PPM1B: variants seen among roughly 807,000 people sequenced by gnomAD.
PPM1B encodes protein phosphatase 1B.
A neutral mutation model predicts 43.0 loss-of-function variants in PPM1B; 22 were observed. The ratio of observed to expected loss-of-function variants is 0.51; its 90% CI spans 0.37 to 0.73. PPM1B has a LOEUF of 0.73. PPM1B is among the 30% of genes least tolerant of loss of function. The pLI is 0.00. For missense variants in PPM1B, 632 were observed against 584.2 expected (o/e 1.08, Z -0.84); for synonymous variants, 217 against 197.9 (o/e 1.10, Z -0.81).
At chr2:44,175,406 C>G (rs144866492) in intron 1 of PPM1B, among the ~76,000 whole-genome samples, 14 of 152,192 alleles carry the variant, frequency 9.2e-5, no homozygotes, top group Admixed American at 9.2e-4. Flanking sequence ...TCAGAACAGT[C>G]TAATAGTATT....
chr2:44,200,250 A>G (rs182032578), intron 1 of PPM1B, among the ~76,000 whole-genome samples: 81 of 152,332 alleles, frequency 5.3e-4, no homozygotes, highest in African/African-American at 1.8e-3. Flanking sequence ...ACCTAGTTAG[A>G]GTGTAGGGTT....
chr2:44,246,692 C>T (rs60821345), downstream of PPM1B, among the ~76,000 whole-genome samples: 360 of 152,276 alleles, frequency 2.4e-3, 2 homozygotes, highest in African/African-American at 8.1e-3. Flanking sequence ...CCAGCTTAAG[C>T]GGAGGCTTCA....
rs770697219 is a variant in PPM1B at position 44,230,677 on chromosome 2, A to C, written c.1399A>C (p.Asn467His). ...ESGLAELDSS[N>H]EDAGTKMSGE... ...TGGTCTTGCTGAATTAGACAGCTCT[A>C]ATGAAGATGCAGGGACAAAGATGAG... Residue 467 changes from asparagine (N) to histidine (H), a missense_variant, in exon 6 of 6, where the codon AAT becomes CAT. Around this residue, in one of 3 missense-constraint regions of PPM1B, gnomAD observed 392 missense variants for 302.7 expected, o/e 1.29. Coordinates refer to ENST00000282412, the MANE Select transcript of PPM1B (RefSeq NM_002706.6). 3.7e-6 allele frequency: 6 copies of C among 1,613,652 alleles called. No individual in the cohort carries two copies. The highest frequency in any genetic ancestry group is 4.2e-6 in the Non-Finnish European group (5 of 1,179,592).
intron 2 of PPM1B, among the ~76,000 whole-genome samples, chr2:44,207,415 A>G (rs1669239054): frequency 6.6e-6 from 1 of 152,198 alleles, no homozygotes; most frequent in Admixed American, 6.5e-5. Flanking sequence ...TTTAGAGTGA[A>G]CAGAAAAAGA....
At chr2:44,192,376 C>T (rs184079149) in intron 1 of PPM1B, among the ~76,000 whole-genome samples, 12 of 152,074 alleles carry the variant, frequency 7.9e-5, no homozygotes, top group East Asian at 1.9e-4. Context: ...AAACCATGCC[C>T]GGCTAATTTT....
At position 44,199,782 on chromosome 2, in the gene PPM1B, CA is replaced by C. The variant is rs1286032933; in HGVS notation, c.-14-1403del. ...TTTCAGGACTCTTTTTCTATAAATA[CA>C]TTTGTAATTTATTAATACAGTATCA... On this transcript the variant is annotated intron_variant, in intron 1 of 5. Coordinates refer to ENST00000282412, the MANE Select transcript of PPM1B (RefSeq NM_002706.6). 2.0e-5 allele frequency among the ~76,000 whole-genome samples: 3 copies of C among 152,186 alleles called. No homozygotes were observed. In the East Asian group the frequency reaches 5.8e-4, roughly 29 times the overall value.
At position 44,169,096 on chromosome 2, in the gene PPM1B, TCGG is replaced by T; in HGVS notation, c.-178_-176del. On this transcript the variant is annotated 5_prime_UTR_variant, in exon 1 of 6. Coordinates refer to ENST00000282412, the MANE Select transcript of PPM1B (RefSeq NM_002706.6). ...GCGCTAGGGTGGAGAGAAGGCGGCATCGGCGGCGGCGGCGGCGTGAGGGGCCGG... is the reference window on the plus strand; with the variant it reads ...GCGCTAGGGTGGAGAGAAGGCGGCATCGGCGGCGGCGGCGTGAGGGGCCGG... The T allele has an allele frequency of 2.8e-5, 5 of 181,618 alleles. No individual in the cohort carries two copies. The highest frequency in any genetic ancestry group is 8.6e-5 in the South Asian group (1 of 11,690). The allele number at this position is 181,618 out of a possible 1,614,324, so 11.3% of individuals were successfully genotyped here. A position where few individuals can be genotyped will look rare whatever the true frequency, so the allele number is the denominator to read the frequency against.
rs376165553 is a variant in PPM1B at position 44,209,716 on chromosome 2, G to A, written c.964+389G>A. 4.4e-4 allele frequency among the ~76,000 whole-genome samples: 67 copies of A among 151,070 alleles called. No homozygotes were observed. The East Asian group carries it at 7.0e-3, about 16-fold the overall frequency. On this transcript the variant is annotated intron_variant, in intron 3 of 5. Coordinates refer to ENST00000282412, the MANE Select transcript of PPM1B (RefSeq NM_002706.6). Reference sequence around the variant, plus strand: ...TGCTTGAATCTGGGAGGTGGAGGTTGCAGTGAGCCGAGATTGCACCACTGC... The same window carrying A: ...TGCTTGAATCTGGGAGGTGGAGGTTACAGTGAGCCGAGATTGCACCACTGC...
chr2:44,233,836 G>GTT (rs1558435421), downstream of PPM1B: 1 of 985,668 alleles, frequency 1.0e-6, no homozygotes, highest in African/African-American at 1.7e-5. Context: ...AGCCTTGTAA[G>GTT]TTAAAGTGCT....
chr2:44,219,870 G>A (rs1669892004), intron 5 of PPM1B, among the ~76,000 whole-genome samples: 1 of 151,610 alleles, frequency 6.6e-6, no homozygotes, highest in Non-Finnish European at 1.5e-5. Flanking sequence ...TTGAACCCGG[G>A]AGGCGGAGGT....
intron 1 of PPM1B, among the ~76,000 whole-genome samples, chr2:44,172,122 T>A (rs1667376383): frequency 6.6e-6 from 1 of 152,218 alleles, no homozygotes; most frequent in Non-Finnish European, 1.5e-5. Context: ...GCATAAAATG[T>A]GAAATCATGA....
At chr2:44,172,684 G>A (rs1427928651) in intron 1 of PPM1B, among the ~76,000 whole-genome samples, 1 of 152,068 alleles carries the variant, frequency 6.6e-6, no homozygotes, top group Non-Finnish European at 1.5e-5. Context: ...AACATTTTGG[G>A]AGGCTGAGGC....
chr2:44,175,830 G>T lies in PPM1B; in HGVS notation c.-15+6556G>T, dbSNP rs919377997. Among the ~76,000 whole-genome samples, 4 of 146,976 alleles carry T rather than the reference G, an allele frequency of 2.7e-5. No individual in the cohort carries two copies. In the East Asian group the frequency reaches 8.0e-4, roughly 30 times the overall value. On this transcript the variant is annotated intron_variant, in intron 1 of 5. Coordinates refer to ENST00000282412, the MANE Select transcript of PPM1B (RefSeq NM_002706.6). ...AGACGGAGTCTCACTCTGTCACCCA[G>T]GCTGGAGTGCAGTGGTATGATCTCG...
At chr2:44,202,768 G>C (rs1473980386) in intron 2 of PPM1B, among the ~76,000 whole-genome samples, 1 of 152,096 alleles carries the variant, frequency 6.6e-6, no homozygotes, top group Non-Finnish European at 1.5e-5. Flanking sequence ...AATTTTGTAT[G>C]AATCATTGCT....
At chr2:44,206,589 G>C (rs1454315838) in intron 2 of PPM1B, among the ~76,000 whole-genome samples, 1 of 152,140 alleles carries the variant, frequency 6.6e-6, no homozygotes, top group East Asian at 1.9e-4. Context: ...AATTAGATAA[G>C]GAAATGTTCC....
At chr2:44,238,015 C>T (rs1458415845), downstream of PPM1B, among the ~76,000 whole-genome samples, 2 of 152,134 alleles carry the variant, frequency 1.3e-5, no homozygotes, top group African/African-American at 2.4e-5. Context: ...ATTCTTCTGC[C>T]TCAGCCTCAT....
chr2:44,232,414 T>C (rs1670494864), downstream of PPM1B: 1 of 1,593,066 alleles, frequency 6.3e-7, no homozygotes, highest in Non-Finnish European at 8.5e-7. Flanking sequence ...CACAATTTTC[T>C]TCAATACAAG....
chr2:44,234,000 G>A (rs1284923924), downstream of PPM1B: 11 of 984,514 alleles, frequency 1.1e-5, no homozygotes, highest in African/African-American at 1.7e-4. Flanking sequence ...ATATTGTGAT[G>A]TTTCATACAA....
At chr2:44,188,336 T>A (rs1668225912) in intron 1 of PPM1B, among the ~76,000 whole-genome samples, 1 of 151,996 alleles carries the variant, frequency 6.6e-6, no homozygotes, top group Admixed American at 6.6e-5. Context: ...AGTTTTTTCC[T>A]TCTCTTCTCC....
Sources: gnomAD v4.1 joint callset for allele counts (sites outside exome capture counted in the v4.1 genomes callset) on GRCh38, gnomAD v4.1.1 for gene constraint, gnomAD v4.1.1 regional missense constraint, MANE v1.5 for transcripts, NCBI Gene and HGNC (gene_info 2026-07-23, HGNC 2026-07-21) for gene names.